PITPNC1: variants seen among roughly 807,000 people sequenced by gnomAD.
PITPNC1 encodes the protein phosphatidylinositol transfer protein cytoplasmic 1.
A neutral mutation model predicts 44.7 loss-of-function variants in PITPNC1; 18 were observed. The observed-to-expected ratio is 0.40, with a 90% CI of 0.28 to 0.60. The LOEUF (loss-of-function observed/expected upper bound fraction) is 0.60, where lower values mean the gene tolerates loss of function less well. Ranked by LOEUF, PITPNC1 falls within the 20% of genes least tolerant of loss-of-function variation. The pLI is 0.39. For synonymous variants in PITPNC1, 141 were observed against 149.6 expected (o/e 0.94, Z 0.42); for missense variants, 290 against 418.4 (o/e 0.69, Z 2.68).
At position 67,473,516 on chromosome 17, in the gene PITPNC1, A is replaced by G. The variant is rs1460362767; in HGVS notation, c.49-59286A>G. Reference sequence around the variant, plus strand: ...GCTAATTTTTTTGTATTTTTTTAGTAGAGACGGGGTTTCACCGACCTCGTG... The same window carrying G: ...GCTAATTTTTTTGTATTTTTTTAGTGGAGACGGGGTTTCACCGACCTCGTG... On this transcript the variant is annotated intron_variant, in intron 1 of 8. Coordinates refer to ENST00000581322, the MANE Select transcript of PITPNC1 (RefSeq NM_012417.4). Among the ~76,000 whole-genome samples, 4 of 150,514 alleles carry G rather than the reference A, an allele frequency of 2.7e-5. No individual in the cohort carries two copies. In the East Asian group the frequency reaches 8.0e-4, roughly 30 times the overall value.
chr17:67,653,021 C>G (rs1353134667), intron 6 of PITPNC1, among the ~76,000 whole-genome samples: 1 of 152,186 alleles, frequency 6.6e-6, no homozygotes, highest in Non-Finnish European at 1.5e-5. Context: ...GTGGCTCACG[C>G]CTATGGTCCC....
At chr17:67,589,359 A>G (rs1418683799) in intron 5 of PITPNC1, among the ~76,000 whole-genome samples, 1 of 152,244 alleles carries the variant, frequency 6.6e-6, no homozygotes, top group Non-Finnish European at 1.5e-5. Flanking sequence ...AAGACAGCTT[A>G]AAGTAGTGTC....
At chr17:67,591,048 T>C (rs551789872) in intron 5 of PITPNC1, among the ~76,000 whole-genome samples, 2 of 152,266 alleles carry the variant, frequency 1.3e-5, no homozygotes, top group South Asian at 4.1e-4. Context: ...TTATCAATCC[T>C]GGAACAAACT....
chr17:67,593,279 T>C (rs1568056649), intron 5 of PITPNC1, among the ~76,000 whole-genome samples: 1 of 151,924 alleles, frequency 6.6e-6, no homozygotes, highest in Non-Finnish European at 1.5e-5. Flanking sequence ...ATTTCAACTA[T>C]AAGTGTGAAA....
chr17:67,454,651 A>T (rs2039229933), intron 1 of PITPNC1, among the ~76,000 whole-genome samples: 2 of 152,088 alleles, frequency 1.3e-5, no homozygotes, highest in Admixed American at 1.3e-4. Flanking sequence ...CCTAATTGCA[A>T]AGCACCATAT....
intron 5 of PITPNC1, among the ~76,000 whole-genome samples, chr17:67,631,648 AAAAAAAAAAAT>A: frequency 6.6e-5 from 2 of 30,112 alleles, no homozygotes; most frequent in Non-Finnish European, 1.5e-4. Context: ...AAAAAAAAAA[AAAAAAAAAAAT>A]ATATATATAT....
At chr17:67,522,657 A>ATATTTTTTTTTTTTTTTTTTTTTTTTT (rs1219049449) in intron 1 of PITPNC1, among the ~76,000 whole-genome samples, 2 of 59,972 alleles carry the variant, frequency 3.3e-5, no homozygotes, top group African/African-American at 2.0e-4. Context: ...TACCATTTTA[A>ATATTTTTTTTTTTTTTTTTTTTTTTTT]TCTTTTTTTT....
chr17:67,495,117 C>T (rs769452235), intron 1 of PITPNC1, among the ~76,000 whole-genome samples: 1 of 120,112 alleles, frequency 8.3e-6, no homozygotes, highest in Non-Finnish European at 1.6e-5. Context: ...AGTGCAGTGG[C>T]GCTATCTCGG....
intron 4 of PITPNC1, among the ~76,000 whole-genome samples, chr17:67,562,761 C>T (rs181874808): frequency 3.0e-4 from 45 of 152,246 alleles, no homozygotes; most frequent in Non-Finnish European, 4.3e-4. Flanking sequence ...TAGAGGGTGA[C>T]GGCCAGACAT....
chr17:67,586,023 A>G (rs2041311229), intron 5 of PITPNC1, among the ~76,000 whole-genome samples: 1 of 152,200 alleles, frequency 6.6e-6, no homozygotes, highest in Non-Finnish European at 1.5e-5. Flanking sequence ...AAACTAATGC[A>G]GGGAGCAAAG....
At chr17:67,498,544 C>A (rs2039985869) in intron 1 of PITPNC1, among the ~76,000 whole-genome samples, 1 of 152,158 alleles carries the variant, frequency 6.6e-6, no homozygotes, top group Non-Finnish European at 1.5e-5. Flanking sequence ...GTTTTCAACT[C>A]TTTTGGGTAT....
intron 5 of PITPNC1, among the ~76,000 whole-genome samples, chr17:67,599,693 G>C: frequency 6.6e-6 from 1 of 152,144 alleles, no homozygotes; most frequent in East Asian, 1.9e-4. Flanking sequence ...ATGAAAACGA[G>C]AGACATGGTG....
chr17:67,602,411 A>G (rs959860226), intron 5 of PITPNC1, among the ~76,000 whole-genome samples: 1 of 152,074 alleles, frequency 6.6e-6, no homozygotes, highest in Non-Finnish European at 1.5e-5. Context: ...ACCCCAGTGG[A>G]GCTTGAAGGG....
intron 1 of PITPNC1, among the ~76,000 whole-genome samples, chr17:67,388,508 G>C (rs1357786766): frequency 1.3e-5 from 2 of 152,004 alleles, no homozygotes; most frequent in African/African-American, 4.8e-5. Flanking sequence ...TTTTAGTAGA[G>C]ACGAGGTTTC....
intron 8 of PITPNC1, among the ~76,000 whole-genome samples, chr17:67,682,136 G>C (rs1165483266): frequency 6.6e-6 from 1 of 152,142 alleles, no homozygotes; most frequent in Non-Finnish European, 1.5e-5. Flanking sequence ...GGGAGGCAGA[G>C]GTTACAGTGA....
chr17:67,497,726 C>G (rs1033071648), intron 1 of PITPNC1, among the ~76,000 whole-genome samples: 2 of 151,802 alleles, frequency 1.3e-5, no homozygotes, highest in Non-Finnish European at 2.9e-5. Flanking sequence ...CATGGTTTCG[C>G]TATGTTTTCC....
chr17:67,641,534 C>T (rs998967866), intron 6 of PITPNC1, among the ~76,000 whole-genome samples: 4 of 152,074 alleles, frequency 2.6e-5, no homozygotes, highest in East Asian at 1.9e-4. Flanking sequence ...CAGTGGCTCA[C>T]GCCTGTAATC....
At chr17:67,624,209 CTTTTCTTT>C (rs1383607651) in intron 5 of PITPNC1, among the ~76,000 whole-genome samples, 2 of 84,818 alleles carry the variant, frequency 2.4e-5, no homozygotes, top group African/African-American at 5.4e-5. Context: ...TTCTTTCTTT[CTTTTCTTT>C]TTTTTTTTTT....
chr17:67,528,841 C>T (rs2040424106), intron 1 of PITPNC1, among the ~76,000 whole-genome samples: 1 of 152,174 alleles, frequency 6.6e-6, no homozygotes, highest in African/African-American at 2.4e-5. Context: ...GACTCTCTGT[C>T]TCTTCTCCCT....
Sources: allele counts gnomAD v4.1 joint callset (sites outside exome capture counted in the v4.1 genomes callset), GRCh38; gene constraint gnomAD v4.1.1; transcripts MANE v1.5; gene names NCBI Gene and HGNC (gene_info 2026-07-23, HGNC 2026-07-21).